Variants in RNF152 observed in about 807,000 individuals in gnomAD.
RNF152 encodes ring finger protein 152, also known as E3 ubiquitin-protein ligase RNF152.
RNF152 carries 11 observed loss-of-function variants against 12.7 expected under a neutral mutation model. The observed-to-expected ratio is 0.86, with a 90% CI of 0.54 to 1.43. The LOEUF (loss-of-function observed/expected upper bound fraction) is 1.43. Ranked by LOEUF, RNF152 falls within the 40% of genes most tolerant of loss-of-function variation. RNF152 has a pLI of 0.00. For missense variants in RNF152, 255 were observed against 274.8 expected (o/e 0.93, Z 0.51); for synonymous variants, 113 against 120.3 (o/e 0.94, Z 0.40).
At chr18:61,848,532 C>T (rs778677527) in intron 1 of RNF152, among the ~76,000 whole-genome samples, 5 of 152,246 alleles carry the variant, frequency 3.3e-5, no homozygotes, top group African/African-American at 9.6e-5. Context: ...GCCCCCCAGG[C>T]TGTACGTGGC....
At chr18:61,853,949 C>T (rs1329131927) in intron 1 of RNF152, among the ~76,000 whole-genome samples, 1 of 152,088 alleles carries the variant, frequency 6.6e-6, no homozygotes, top group Admixed American at 6.5e-5. Flanking sequence ...TCCTCCCTGC[C>T]CACCTGCCCA....
intron 1 of RNF152, among the ~76,000 whole-genome samples, chr18:61,838,464 T>C (rs1177380837): frequency 6.6e-6 from 1 of 152,164 alleles, no homozygotes; most frequent in Non-Finnish European, 1.5e-5. Flanking sequence ...CAGCCAAATT[T>C]TCATTAACAT....
At chr18:61,848,391 T>G (rs370621386) in intron 1 of RNF152, among the ~76,000 whole-genome samples, 1 of 152,110 alleles carries the variant, frequency 6.6e-6, no homozygotes, top group Non-Finnish European at 1.5e-5. Flanking sequence ...AAAGAGAAGC[T>G]CTAGGTTTAT....
chr18:61,865,087 A>G (rs1337009767), intron 1 of RNF152, among the ~76,000 whole-genome samples: 1 of 152,332 alleles, frequency 6.6e-6, no homozygotes, highest in African/African-American at 2.4e-5. Flanking sequence ...CCAGGAAATT[A>G]CAAGGGTTTT....
intron 1 of RNF152, among the ~76,000 whole-genome samples, chr18:61,830,188 A>C (rs772869956): frequency 7.9e-5 from 12 of 151,920 alleles, no homozygotes; most frequent in Admixed American, 7.2e-4. Context: ...TAGTCTGGCT[A>C]ATTTTTTGTA....
At chr18:61,835,815 T>G (rs751007772) in intron 1 of RNF152, among the ~76,000 whole-genome samples, 3 of 152,174 alleles carry the variant, frequency 2.0e-5, no homozygotes, top group Non-Finnish European at 2.9e-5. Flanking sequence ...GTATTGGTAT[T>G]GATACTAGTA....
intron 1 of RNF152, among the ~76,000 whole-genome samples, chr18:61,873,313 C>T (rs34388357): frequency 1.3e-5 from 2 of 152,046 alleles, no homozygotes; most frequent in African/African-American, 4.8e-5. Context: ...AAATTGTACT[C>T]AAAAATTCTG....
chr18:61,829,080 A>G (rs1909809450), intron 1 of RNF152, among the ~76,000 whole-genome samples: 1 of 152,130 alleles, frequency 6.6e-6, no homozygotes, highest in Non-Finnish European at 1.5e-5. Flanking sequence ...ACGGGTAGGG[A>G]CCAGAGCCTG....
chr18:61,860,656 T>C (rs1163320149), intron 1 of RNF152, among the ~76,000 whole-genome samples: 2 of 152,260 alleles, frequency 1.3e-5, no homozygotes, highest in African/African-American at 4.8e-5. Context: ...TATATTTTTA[T>C]CAGTATTTTA....
intron 1 of RNF152, among the ~76,000 whole-genome samples, chr18:61,851,102 A>G (rs1255638830): frequency 6.6e-6 from 1 of 151,970 alleles, no homozygotes; most frequent in Non-Finnish European, 1.5e-5. Flanking sequence ...AAAAAAAAAA[A>G]AAAAAACTTA....
intron 1 of RNF152, among the ~76,000 whole-genome samples, chr18:61,825,926 T>A (rs549534711): frequency 6.6e-6 from 1 of 152,340 alleles, no homozygotes; most frequent in South Asian, 2.1e-4. Context: ...GTTGGCTTTT[T>A]AAAATATTTT....
rs1453886157 is a variant in RNF152 at position 61,815,812 on chromosome 18, C to T, written c.*40G>A. On this transcript the variant is annotated 3_prime_UTR_variant, in exon 2 of 2. Transcript: ENST00000312828. ...GATCTCATCATCAACCTGCTCAACC[C>T]CTAAGTTGGCACCCACAAGAGACTT... The T allele has an allele frequency of 2.5e-6, 4 of 1,595,046 alleles. No individual in the cohort carries two copies. The Admixed American group carries it at 6.7e-5, about 27-fold the overall frequency.
At chr18:61,861,693 T>C (rs1308188811) in intron 1 of RNF152, among the ~76,000 whole-genome samples, 5 of 152,218 alleles carry the variant, frequency 3.3e-5, no homozygotes, top group African/African-American at 1.2e-4. Flanking sequence ...ACTCGGCATT[T>C]GGCGAGGGCC....
chr18:61,882,371 G>A lies in RNF152; in HGVS notation c.-136+10424C>T, dbSNP rs78524624. On this transcript the variant is annotated intron_variant, in intron 1 of 1. Coordinates refer to ENST00000312828, the MANE Select transcript of RNF152 (RefSeq NM_173557.3). ...AAACAAGTCATTTGCCTTTTTATTC[G>A]GTGAAGTAATAGACTATGAAGAAAT... is the stretch of plus-strand genomic sequence containing the variant. Among the ~76,000 whole-genome samples the A allele has an allele frequency of 3.3e-3, 507 of 152,218 alleles. 9 individuals carry two copies. The highest frequency in any genetic ancestry group is 0.028 in the Admixed American group (423 of 15,290).
intron 1 of RNF152, among the ~76,000 whole-genome samples, chr18:61,836,367 GA>G (rs1295208076): frequency 6.6e-6 from 1 of 152,110 alleles, no homozygotes; most frequent in Non-Finnish European, 1.5e-5. Context: ...TTCGTATGTT[GA>G]AACCCTAATC....
At chr18:61,823,679 A>G (rs1250838503) in intron 1 of RNF152, among the ~76,000 whole-genome samples, 2 of 152,258 alleles carry the variant, frequency 1.3e-5, no homozygotes, top group African/African-American at 4.8e-5. Flanking sequence ...CAACTGGCCC[A>G]GGTGGCAGAG....
At chr18:61,850,550 A>G (rs1038328369) in intron 1 of RNF152, among the ~76,000 whole-genome samples, 4 of 152,224 alleles carry the variant, frequency 2.6e-5, no homozygotes, top group African/African-American at 9.7e-5. Context: ...TCACTGATAA[A>G]TTTCAAGTTA....
intron 1 of RNF152, among the ~76,000 whole-genome samples, chr18:61,823,184 A>T (rs1245169667): frequency 6.6e-6 from 1 of 152,244 alleles, no homozygotes; most frequent in Non-Finnish European, 1.5e-5. Context: ...GACAAACCTC[A>T]ACTGAGAATT....
intron 1 of RNF152, among the ~76,000 whole-genome samples, chr18:61,883,670 G>C (rs1231142077): frequency 1.3e-5 from 2 of 152,136 alleles, no homozygotes; most frequent in Non-Finnish European, 2.9e-5. Flanking sequence ...GGGCAAGTCT[G>C]GGGGTCACTC....
Sources: allele counts gnomAD v4.1 joint callset (sites outside exome capture counted in the v4.1 genomes callset), GRCh38; gene constraint gnomAD v4.1.1; transcripts MANE v1.5; gene names NCBI Gene and HGNC (gene_info 2026-07-23, HGNC 2026-07-21).